Variants in TBX18 observed in about 807,000 individuals in gnomAD.
The protein encoded by TBX18 is T-box transcription factor TBX18.
TBX18 carries 21 observed loss-of-function variants against 55.0 expected under a neutral mutation model. The ratio of observed to expected loss-of-function variants is 0.38; its 90% CI spans 0.27 to 0.55. TBX18 has a LOEUF of 0.55. Ranked by LOEUF, TBX18 falls within the 20% of genes least tolerant of loss-of-function variation. TBX18 has a pLI of 0.73. For missense variants in TBX18, 840 were observed against 799.6 expected (o/e 1.05, Z -0.61); for synonymous variants, 342 against 326.1 (o/e 1.05, Z -0.53).
In TBX18 at chr6:84,752,142, G is replaced by A. The variant is rs1054941934; in HGVS notation, c.772-4055C>T. On this transcript the variant is annotated intron_variant, in intron 4 of 7. Coordinates refer to ENST00000369663, the MANE Select transcript of TBX18 (RefSeq NM_001080508.3). The stretch of plus-strand genomic sequence containing the variant: ...AAATACAGACTGCATTTGCAGTACA[G>A]GCTAATACACATTTTTCTACTTTAA... Among the ~76,000 whole-genome samples, 3 of 152,066 alleles carry A rather than the reference G, an allele frequency of 2.0e-5. 1 individual carries two copies. The highest frequency in any genetic ancestry group is 2.0e-4 in the Admixed American group (3 of 15,276).
At chr6:84,746,363 T>G (rs1767186468) in intron 5 of TBX18, among the ~76,000 whole-genome samples, 1 of 148,292 alleles carries the variant, frequency 6.7e-6, no homozygotes, top group Admixed American at 6.8e-5. Flanking sequence ...CCTAATATAT[T>G]TTAATACATT....
rs1428357711 is a variant in TBX18 at position 84,734,301 on chromosome 6, A to T, written c.*2384T>A. ...CACACCAAGAAATTACATTTAACAC[A>T]TGAAACATGAACAGCAGGCCCATTT... On this transcript the variant is annotated 3_prime_UTR_variant, in exon 8 of 8. Coordinates refer to ENST00000369663, the MANE Select transcript of TBX18 (RefSeq NM_001080508.3). The T allele has an allele frequency of 6.6e-6, 1 of 152,170 alleles. No homozygotes were observed. The highest frequency in any genetic ancestry group is 1.5e-5 in the Non-Finnish European group (1 of 68,022). The allele number at this position is 152,170 out of a possible 1,614,324, so 9.4% of individuals were successfully genotyped here. A position where few individuals can be genotyped will look rare whatever the true frequency, so the allele number is the denominator to read the frequency against.
chr6:84,762,462 G>A (rs1767675952), intron 2 of TBX18, 82 bp downstream of exon 2: 1 of 1,498,372 alleles, frequency 6.7e-7, no homozygotes, highest in African/African-American at 1.4e-5. Context: ...CGAGCTGCAG[G>A]CCCTTCTTCC....
intron 6 of TBX18, chr6:84,741,509 G>A (rs1767047891): frequency 6.6e-6 from 1 of 152,112 alleles, no homozygotes; most frequent in Non-Finnish European, 1.5e-5. Context: ...GCTTTTAAGG[G>A]CCGAAGCTAC....
Position 84,733,514 on chromosome 6 carries a change from G to C in TBX18, c.*3171C>G, listed in dbSNP as rs900787493. 1.3e-5 allele frequency: 2 copies of C among 152,124 alleles called. No individual in the cohort carries two copies. Among genetic ancestry groups the C allele is most frequent in the African/African-American group, 2.4e-5 (1 of 41,406 alleles). The allele number at this position is 152,124 out of a possible 1,614,324, so 9.4% of individuals were successfully genotyped here. A position where few individuals can be genotyped will look rare whatever the true frequency, so the allele number is the denominator to read the frequency against. ...TCTAATTAGAGACAGCATCAGGGTA[G>C]GTAGCATCCACCACCTCTACCAAGG... On this transcript the variant is annotated 3_prime_UTR_variant, in exon 8 of 8. Coordinates refer to ENST00000369663, the MANE Select transcript of TBX18 (RefSeq NM_001080508.3).
rs762216531 is a variant in TBX18, at chr6:84,736,621, CT to C, written c.*63del. ...CCACAGAGAGTTTCTTTCCACATAG[CT>C]TTTAAAAAAGAAAAAGAAAATATGT... On this transcript the variant is annotated 3_prime_UTR_variant, in exon 8 of 8. Coordinates refer to ENST00000369663, the MANE Select transcript of TBX18 (RefSeq NM_001080508.3). 22 of 1,457,200 alleles carry C rather than the reference CT, an allele frequency of 1.5e-5. No individual in the cohort carries two copies. The highest frequency in any genetic ancestry group is 2.0e-5 in the Non-Finnish European group (22 of 1,102,356). 90.3% of individuals were successfully genotyped at this position (1,457,200 alleles called of 1,614,324 possible). A position where few individuals can be genotyped will look rare whatever the true frequency, so the allele number is the denominator to read the frequency against.
intron 3 of TBX18, among the ~76,000 whole-genome samples, chr6:84,759,346 C>G (rs1767583822): frequency 6.6e-6 from 1 of 152,112 alleles, no homozygotes; most frequent in African/African-American, 2.4e-5. Context: ...TGATAAAAAA[C>G]AAATCTGATT....
intron 7 of TBX18, among the ~76,000 whole-genome samples, chr6:84,737,744 T>C (rs184066670): frequency 9.1e-4 from 138 of 152,280 alleles, no homozygotes; most frequent in African/African-American, 3.3e-3. Context: ...GTTTGCAAAC[T>C]TGACAGAACT....
chr6:84,764,215 A>G lies in TBX18; in HGVS notation c.-34T>C, dbSNP rs748221050. The G allele has an allele frequency of 3.0e-6, 4 of 1,332,718 alleles. No individual in the cohort carries two copies. Among genetic ancestry groups the G allele is most frequent in the Admixed American group, 4.3e-5 (1 of 23,300 alleles). The allele number at this position is 1,332,718 out of a possible 1,614,324, so 82.6% of individuals were successfully genotyped here. ...CCCCGCGCCCGCCCGCCCCTCTCTC[A>G]TATACACTCACGCGGGCACACGCGC... On this transcript the variant is annotated 5_prime_UTR_variant, in exon 1 of 8. It removes an upstream start codon present in the reference 5' UTR. Transcript: ENST00000369663.
intron 3 of TBX18, among the ~76,000 whole-genome samples, chr6:84,757,830 TATAAA>T (rs1394300222): frequency 2.0e-5 from 3 of 151,954 alleles, no homozygotes. Context: ...AAGAAAAAAT[TATAAA>T]ATAAAATTAT....
At chr6:84,762,500 G>A (rs1366479548) in intron 2 of TBX18, 44 bp downstream of exon 2, 2 of 1,606,998 alleles carry the variant, frequency 1.2e-6, no homozygotes, top group African/African-American at 1.3e-5. Flanking sequence ...AGTGAAGACA[G>A]GGTCTGGGGT....
chr6:84,744,947 T>C (rs1358918344), intron 5 of TBX18, among the ~76,000 whole-genome samples: 1 of 152,146 alleles, frequency 6.6e-6, no homozygotes, highest in East Asian at 1.9e-4. Context: ...ACAGTGAATG[T>C]CTAACCAGAG....
rs2127870235 is a variant in TBX18 at position 84,736,368 on chromosome 6, A to C, written c.*317T>G. 5.3e-6 allele frequency: 1 copy of C among 189,708 alleles called. No homozygotes were observed. The highest frequency in any genetic ancestry group is 1.1e-5 in the Non-Finnish European group (1 of 93,596). The allele number at this position is 189,708 out of a possible 1,614,324, so 11.8% of individuals were successfully genotyped here. ...TGGATAGTATAATTGCCAAGTTTTA[A>C]GTTTACCATCTTGTTTTTAAAAGAG... On this transcript the variant is annotated 3_prime_UTR_variant, in exon 8 of 8. Transcript: ENST00000369663.
In TBX18 at chr6:84,738,576, G is replaced by A; in HGVS notation, c.1020C>T (p.Ala340=). Residue 340 remains alanine (A), a synonymous_variant, in exon 7 of 8, where the codon GCC becomes GCT. Transcript: ENST00000369663. ...GCCAGAATGCATATGATTCCACCAA[G>A]GCTTCCAAACCCATTCTAAATGGAA... is the stretch of plus-strand genomic sequence containing the variant. ...DSGRNRMGLE[A]LVESYAFWRP... 6.2e-7 allele frequency: 1 copy of A among 1,613,896 alleles called. No homozygotes were observed. Among genetic ancestry groups the A allele is most frequent in the Admixed American group, 1.7e-5 (1 of 60,004 alleles).
Position 84,736,967 on chromosome 6 carries a change from A to G in TBX18, c.1542T>C (p.His514=). The G allele has an allele frequency of 1.2e-6, 2 of 1,609,814 alleles. No individual in the cohort carries two copies. Among genetic ancestry groups the G allele is most frequent in the Non-Finnish European group, 1.7e-6 (2 of 1,177,304 alleles). Residue 514 remains histidine, a synonymous_variant, in exon 8 of 8, where the codon CAT becomes CAC. Transcript: ENST00000369663. ...ATCTAAAAGTATTATAGGAACCCTG[A>G]TGGGTCTGGTTAGTGGCGAAGGCAT... ...SSNAFATNQT[H]QGSYNTFRLH...
chr6:84,756,599 T>C, intron 4 of TBX18, 99 bp downstream of exon 4: 2 of 1,175,366 alleles, frequency 1.7e-6, no homozygotes, highest in Admixed American at 2.0e-5. Context: ...AATCAGGCAA[T>C]GAACATTATG....
At chr6:84,743,112 A>G (rs1053137827) in intron 6 of TBX18, among the ~76,000 whole-genome samples, 1 of 152,202 alleles carries the variant, frequency 6.6e-6, no homozygotes, top group Non-Finnish European at 1.5e-5. Flanking sequence ...ACTTTCCTAC[A>G]GAGTGAAAAA....
intron 4 of TBX18, among the ~76,000 whole-genome samples, chr6:84,750,357 G>T (rs1767314988): frequency 1.3e-5 from 2 of 151,376 alleles, no homozygotes; most frequent in African/African-American, 4.8e-5. Flanking sequence ...CAGCAGGGTT[G>T]AAAGATATCT....
chr6:84,736,609 C>A lies in TBX18; in HGVS notation c.*76G>T. On this transcript the variant is annotated 3_prime_UTR_variant, in exon 8 of 8. Transcript: ENST00000369663. The stretch of plus-strand genomic sequence containing the variant: ...ACATTTTATAAACCACAGAGAGTTT[C>A]TTTCCACATAGCTTTTAAAAAAGAA... 3 of 1,442,168 alleles carry A rather than the reference C, an allele frequency of 2.1e-6. No homozygotes were observed. The highest frequency in any genetic ancestry group is 2.8e-6 in the Non-Finnish European group (3 of 1,090,118). The allele number at this position is 1,442,168 out of a possible 1,614,324, so 89.3% of individuals were successfully genotyped here.
Sources: gnomAD v4.1 joint callset for allele counts (sites outside exome capture counted in the v4.1 genomes callset) on GRCh38, gnomAD v4.1.1 for gene constraint, MANE v1.5 for transcripts, NCBI Gene and HGNC (gene_info 2026-07-23, HGNC 2026-07-21) for gene names.